Variants in ROBO2 observed in about 807,000 individuals in gnomAD.
The protein encoded by ROBO2 is roundabout homolog 2.
In ROBO2, 53 loss-of-function variants were observed where a neutral mutation model predicts 160.8. The ratio of observed to expected loss-of-function variants is 0.33; its 90% confidence interval spans 0.26 to 0.41. The LOEUF (loss-of-function observed/expected upper bound fraction) is 0.41. Ranked by LOEUF, ROBO2 falls within the 10% of genes least tolerant of loss-of-function variation. The pLI, the probability that ROBO2 is intolerant of heterozygous loss-of-function variation, is 1.00. For synonymous variants in ROBO2, 664 were observed against 611.7 expected, an observed-to-expected ratio of 1.09 and a Z score of -1.26; for missense variants, 1,577 against 1,722.4, an observed-to-expected ratio of 0.92 and a Z score of 1.49.
intron 2 of ROBO2, among the ~76,000 whole-genome samples, chr3:76,767,078 C>T (rs17748728): frequency 0.023 from 3,539 of 151,494 alleles, 67 homozygotes; most frequent in Non-Finnish European, 0.037. Context: ...TTAACTGAAT[C>T]TCAAGCAGAA....
In ROBO2 at chr3:76,031,699, C is replaced by G. The variant is rs146279190; in HGVS notation, c.109+94097C>G. On this transcript the variant is annotated intron_variant, in intron 2 of 26. Coordinates refer to the ROBO2 transcript ENST00000487694. ...TGCATATGTTAAACCAGCCTTGCAT[C>G]CCAGGGATGAAGCCAACTCGATCTT... Among the ~76,000 whole-genome samples, 1,060 of 152,088 alleles carry G rather than the reference C, an allele frequency of 7.0e-3. 71 individuals carry two copies. In the East Asian group the frequency reaches 0.17, roughly 25 times the overall value.
chr3:77,289,935 C>T (rs539028420), intron 2 of ROBO2, among the ~76,000 whole-genome samples: 6 of 150,630 alleles, frequency 4.0e-5, no homozygotes, highest in East Asian at 2.0e-4. Flanking sequence ...GATGGTTAAA[C>T]GGGTAAGCTG....
intron 2 of ROBO2, among the ~76,000 whole-genome samples, chr3:77,168,964 T>G (rs2150723468): frequency 6.6e-6 from 1 of 152,298 alleles, no homozygotes; most frequent in Admixed American, 6.5e-5. Context: ...ATTCTTTTTG[T>G]CATTAAGGAG....
At chr3:77,257,416 T>G (rs1224077434) in intron 2 of ROBO2, among the ~76,000 whole-genome samples, 1 of 152,100 alleles carries the variant, frequency 6.6e-6, no homozygotes, top group African/African-American at 2.4e-5. Flanking sequence ...CCTGGCAAAG[T>G]TTAATTGGCA....
intron 2 of ROBO2, among the ~76,000 whole-genome samples, chr3:76,354,362 A>G (rs2075041045): frequency 6.6e-6 from 1 of 151,938 alleles, no homozygotes; most frequent in Non-Finnish European, 1.5e-5. Flanking sequence ...AAGGTTTGAA[A>G]GAATAACTTC....
At chr3:76,166,620 G>A (rs886590406) in intron 2 of ROBO2, among the ~76,000 whole-genome samples, 5 of 151,792 alleles carry the variant, frequency 3.3e-5, no homozygotes, top group African/African-American at 9.7e-5. Flanking sequence ...TGATAGCCCC[G>A]TTCAGCTATA....
intron 2 of ROBO2, among the ~76,000 whole-genome samples, chr3:77,261,988 A>G (rs1051534940): frequency 2.0e-5 from 3 of 152,104 alleles, no homozygotes; most frequent in Admixed American, 2.0e-4. Flanking sequence ...ACTCTGAAGT[A>G]TCCTTAAATT....
chr3:76,230,174 A>G (rs887818666), intron 2 of ROBO2, among the ~76,000 whole-genome samples: 2 of 152,136 alleles, frequency 1.3e-5, no homozygotes, highest in Admixed American at 6.5e-5. Context: ...ACATCCTTAC[A>G]TCACCCCCTC....
chr3:76,626,025 G>C (rs2089617848), intron 2 of ROBO2, among the ~76,000 whole-genome samples: 1 of 152,006 alleles, frequency 6.6e-6, no homozygotes, highest in South Asian at 2.1e-4. Flanking sequence ...ATAGTGAGAG[G>C]TACTTTGCAT....
chr3:76,214,516 T>C lies in ROBO2; in HGVS notation c.109+276914T>C, dbSNP rs550153785. ...ACAAACAGCACACCAGGAGATTATATCCCGCACCTGGCTTGGAGGGTCCTA... is the reference window on the plus strand; with the variant it reads ...ACAAACAGCACACCAGGAGATTATACCCCGCACCTGGCTTGGAGGGTCCTA... On this transcript the variant is annotated intron_variant, in intron 2 of 26. Coordinates refer to the ROBO2 transcript ENST00000487694. 2.0e-5 allele frequency among the ~76,000 whole-genome samples: 3 copies of C among 152,262 alleles called. No individual in the cohort carries two copies. In the East Asian group the frequency reaches 5.8e-4, roughly 30 times the overall value.
At chr3:77,027,639 G>GA (rs2063050458) in intron 2 of ROBO2, among the ~76,000 whole-genome samples, 1 of 152,132 alleles carries the variant, frequency 6.6e-6, no homozygotes, top group Admixed American at 6.5e-5. Context: ...GTACTTTATT[G>GA]AACTACAGTA....
At position 76,223,114 on chromosome 3, in the gene ROBO2, A is replaced by G. The variant is rs191592167; in HGVS notation, c.109+285512A>G. On this transcript the variant is annotated intron_variant, in intron 2 of 26. Coordinates refer to the ROBO2 transcript ENST00000487694. The stretch of plus-strand genomic sequence containing the variant: ...TGCTCCCCAGACTTCTGCTTGTATA[A>G]CTTAGAAAACTCTAGTTCTTTTGGA... Among the ~76,000 whole-genome samples the G allele has an allele frequency of 4.5e-4, 68 of 151,598 alleles. 1 individual carries two copies. In the East Asian group the frequency reaches 0.012, roughly 27 times the overall value.
rs1222414540 is a variant in ROBO2 at position 77,557,942 on chromosome 3, A to C, written c.1232-2A>C. On this transcript the variant is annotated splice_acceptor_variant, in intron 8 of 25. Coordinates refer to ENST00000461745, the Ensembl canonical transcript of ROBO2. LOFTEE classifies it high-confidence loss of function. Reference sequence around the variant, plus strand: ...ATACCTGAAAAGAGCTTTATTCTTCAGTTTTGACAGATAGACCTCCACCTA... The same window carrying C: ...ATACCTGAAAAGAGCTTTATTCTTCCGTTTTGACAGATAGACCTCCACCTA... 6.2e-7 allele frequency: 1 copy of C among 1,612,294 alleles called. No homozygotes were observed. Among genetic ancestry groups the C allele is most frequent in the Admixed American group, 1.7e-5 (1 of 59,868 alleles).
At chr3:77,380,333 C>T (rs1488745038) in intron 2 of ROBO2, among the ~76,000 whole-genome samples, 1 of 152,198 alleles carries the variant, frequency 6.6e-6, no homozygotes, top group Admixed American at 6.5e-5. Flanking sequence ...ACAGTGTTGA[C>T]GTAGATGTAC....
At chr3:77,049,385 A>G (rs1207949812) in intron 1 of ROBO2, among the ~76,000 whole-genome samples, 1 of 152,112 alleles carries the variant, frequency 6.6e-6, no homozygotes, top group Non-Finnish European at 1.5e-5. Context: ...ATAAACATCC[A>G]TCTTTAAAAA....
At chr3:77,552,961 G>A (rs1363423043) in intron 8 of ROBO2, among the ~76,000 whole-genome samples, 2 of 151,858 alleles carry the variant, frequency 1.3e-5, no homozygotes, top group Non-Finnish European at 2.9e-5. Context: ...GAAATTCCAT[G>A]GTAGAATGAA....
rs1271695079 is a variant in ROBO2, at chr3:76,170,233, C to T, written c.109+232631C>T. On this transcript the variant is annotated intron_variant, in intron 2 of 26. Coordinates refer to the ROBO2 transcript ENST00000487694. ...TGCAGTTAATAGAATGGTAAAATAGCACAACCCAAACTGGCATTTTTCAAT... is the reference window on the plus strand; with the variant it reads ...TGCAGTTAATAGAATGGTAAAATAGTACAACCCAAACTGGCATTTTTCAAT... Among the ~76,000 whole-genome samples, 4 of 152,250 alleles carry T rather than the reference C, an allele frequency of 2.6e-5. No homozygotes were observed. In the East Asian group the frequency reaches 7.7e-4, roughly 29 times the overall value.
chr3:77,255,510 A>T (rs2090825048), intron 2 of ROBO2, among the ~76,000 whole-genome samples: 1 of 152,214 alleles, frequency 6.6e-6, no homozygotes. Context: ...GGTAAAATAA[A>T]AGGTGTCTGG....
chr3:77,238,919 T>C (rs991241982), intron 2 of ROBO2, among the ~76,000 whole-genome samples: 2 of 152,154 alleles, frequency 1.3e-5, no homozygotes, highest in African/African-American at 4.8e-5. Flanking sequence ...TTATCATTCA[T>C]TTCCTTGTGT....
Sources: allele counts gnomAD v4.1 joint callset (sites outside exome capture counted in the v4.1 genomes callset), GRCh38; gene constraint gnomAD v4.1.1; transcripts MANE v1.5; gene names NCBI Gene and HGNC (gene_info 2026-07-23, HGNC 2026-07-21).